The following MRPS6 variants were observed in gnomAD, a reference collection of about 807,000 sequenced individuals.
The protein encoded by MRPS6 is small ribosomal subunit protein bS6m.
MRPS6 carries 6 observed loss-of-function variants against 13.1 expected under a neutral mutation model. That is an observed-to-expected ratio of 0.46 (90% CI 0.25 to 0.91). MRPS6 has a LOEUF of 0.91. Among genes scored for constraint, MRPS6 ranks in the 40% least tolerant of loss-of-function variants. The probability of loss-of-function intolerance (pLI) is 0.18; values close to 1 mark genes in which losing one functional copy is unlikely to be tolerated. For missense variants in MRPS6, 164 were observed against 155.6 expected (o/e 1.05, Z -0.29); for synonymous variants, 61 against 56.5 (o/e 1.08, Z -0.36).
rs748628243 is a variant in MRPS6 at position 34,142,499 on chromosome 21, A to G, written c.277A>G (p.Ile93Val). ...AGATATAGATGTGATTAGAGGGAAT[A>G]TTGTCAAACACCCTCTGACCCAGGA... The part of the protein sequence containing the change: ...SRDIDVIRGN[I>V]VKHPLTQELK... The change falls in exon 3 of 3, where the codon ATT becomes GTT. Residue 93 changes from isoleucine to valine, a missense_variant. Transcript: ENST00000399312. 10 of 1,613,554 alleles carry G rather than the reference A, an allele frequency of 6.2e-6. No individual in the cohort carries two copies. The highest frequency in any genetic ancestry group is 8.5e-6 in the Non-Finnish European group (10 of 1,179,800).
intron 1 of MRPS6, among the ~76,000 whole-genome samples, chr21:34,083,053 C>T (rs780870867): frequency 2.6e-5 from 4 of 152,142 alleles, no homozygotes; most frequent in Admixed American, 6.5e-5. Context: ...GCCCCAGAAT[C>T]GAGAATTCCT....
At chr21:34,142,313 G>C in intron 2 of MRPS6, 95 bp from the exon 3 acceptor site, 2 of 1,348,938 alleles carry the variant, frequency 1.5e-6, no homozygotes, top group Admixed American at 5.4e-5. Context: ...TGTAGTTGAT[G>C]TCTGTCTAGG....
At position 34,117,221 on chromosome 21, in the gene MRPS6, C is replaced by T. The variant is rs553946916; in HGVS notation, c.46-8120C>T. On this transcript the variant is annotated intron_variant, in intron 1 of 2. Coordinates refer to ENST00000399312, the MANE Select transcript of MRPS6 (RefSeq NM_032476.4). ...AAGAAAACAAAGGCTTCTACCTATA[C>T]TAAATTCAGTACCCATGTTGATTCT... is the stretch of plus-strand genomic sequence containing the variant. 2.6e-5 allele frequency among the ~76,000 whole-genome samples: 4 copies of T among 152,262 alleles called. No individual in the cohort carries two copies. In the East Asian group the frequency reaches 5.8e-4, roughly 22 times the overall value.
chr21:34,097,023 TGCAGAGAGGA>T, intron 1 of MRPS6: 3 of 1,614,062 alleles, frequency 1.9e-6, no homozygotes, highest in Non-Finnish European at 2.5e-6. Context: ...GTTGGTAACC[TGCAGAGAGGA>T]GGGCAACCCA....
chr21:34,074,922 A>G (rs1989289659), intron 1 of MRPS6, among the ~76,000 whole-genome samples: 3 of 152,208 alleles, frequency 2.0e-5, no homozygotes, highest in Admixed American at 1.3e-4. Flanking sequence ...AAGGGACGCC[A>G]GTGCCTCTCT....
chr21:34,085,832 G>A (rs1010967964), intron 1 of MRPS6, among the ~76,000 whole-genome samples: 1 of 152,132 alleles, frequency 6.6e-6, no homozygotes, highest in African/African-American at 2.4e-5. Flanking sequence ...TTGATGTCCT[G>A]ACCTCGTGAT....
intron 1 of MRPS6, chr21:34,097,523 A>G (rs138168218): frequency 5.0e-6 from 7 of 1,388,372 alleles, no homozygotes; most frequent in Non-Finnish European, 5.6e-6. Context: ...CCAGAGATGG[A>G]TTAAAGTAAA....
intron 2 of MRPS6, among the ~76,000 whole-genome samples, chr21:34,140,046 G>A (rs1352127191): frequency 6.6e-6 from 1 of 151,998 alleles, no homozygotes; most frequent in African/African-American, 2.4e-5. Context: ...GGCTATAGAG[G>A]CATATCAATT....
intron 1 of MRPS6, among the ~76,000 whole-genome samples, chr21:34,074,160 C>G (rs1326753648): frequency 6.7e-6 from 1 of 148,828 alleles, no homozygotes; most frequent in African/African-American, 2.4e-5. Context: ...CGTCGCCGGC[C>G]CCGCCGCCGC....
At chr21:34,103,331 A>AC (rs1556006346) in intron 1 of MRPS6, 12 of 994,832 alleles carry the variant, frequency 1.2e-5, no homozygotes, top group Non-Finnish European at 2.4e-6. Context: ...AAAAAAAAAA[A>AC]CATGCATTAC....
At chr21:34,099,475 T>C (rs370768777) in intron 1 of MRPS6, 1 of 999,844 alleles carries the variant, frequency 1.0e-6, no homozygotes, top group African/African-American at 1.7e-5. Flanking sequence ...TTTTTCAAAT[T>C]AACATTAAGT....
chr21:34,128,994 C>A (rs1980405888), intron 2 of MRPS6, among the ~76,000 whole-genome samples: 1 of 152,136 alleles, frequency 6.6e-6, no homozygotes, highest in Non-Finnish European at 1.5e-5. Context: ...TCTTTCAGGT[C>A]CCCGAGATTA....
chr21:34,097,889 C>T, intron 1 of MRPS6: 1 of 996,360 alleles, frequency 1.0e-6, no homozygotes, highest in Non-Finnish European at 1.2e-6. Context: ...ATTTTGTTAG[C>T]ATGAGCCTAC....
At chr21:34,138,605 A>G (rs920758591) in intron 2 of MRPS6, among the ~76,000 whole-genome samples, 1 of 151,974 alleles carries the variant, frequency 6.6e-6, no homozygotes, top group African/African-American at 2.4e-5. Context: ...ATCACTGGCC[A>G]TCAGAGAAAT....
intron 1 of MRPS6, among the ~76,000 whole-genome samples, chr21:34,117,980 A>G (rs1979985551): frequency 6.6e-6 from 1 of 152,182 alleles, no homozygotes; most frequent in South Asian, 2.1e-4. Context: ...ATTCTACACT[A>G]TAGCCTGACA....
chr21:34,108,791 T>A (rs1186342561), intron 1 of MRPS6, among the ~76,000 whole-genome samples: 1 of 152,178 alleles, frequency 6.6e-6, no homozygotes, highest in Admixed American at 6.5e-5. Context: ...CATAAGACCA[T>A]AGGAATTTTC....
intron 1 of MRPS6, among the ~76,000 whole-genome samples, chr21:34,112,216 T>C (rs1423482380): frequency 6.6e-6 from 1 of 152,222 alleles, no homozygotes; most frequent in Non-Finnish European, 1.5e-5. Context: ...ATTCTTTGAC[T>C]AGTCATCAAA....
At chr21:34,118,985 A>G (rs1980027128) in intron 1 of MRPS6, among the ~76,000 whole-genome samples, 1 of 152,190 alleles carries the variant, frequency 6.6e-6, no homozygotes, top group African/African-American at 2.4e-5. Context: ...GAGGTAAGTA[A>G]TCACATTTGA....
chr21:34,090,872 C>T (rs1452328165), intron 1 of MRPS6, among the ~76,000 whole-genome samples: 4 of 152,194 alleles, frequency 2.6e-5, no homozygotes, highest in African/African-American at 4.8e-5. Context: ...CTGTTTTCTT[C>T]TGTACCGTGC....
Sources: allele counts gnomAD v4.1 joint callset (sites outside exome capture counted in the v4.1 genomes callset), GRCh38; gene constraint gnomAD v4.1.1; transcripts MANE v1.5; gene names NCBI Gene and HGNC (gene_info 2026-07-23, HGNC 2026-07-21).